Variants in VGF observed in about 807,000 individuals in gnomAD.
VGF encodes neurosecretory protein VGF.
Under a neutral mutation model 41.1 loss-of-function variants are expected in VGF, and 13 were observed. That is an observed-to-expected ratio of 0.32 (90% CI 0.21 to 0.50). VGF has a LOEUF of 0.50. Ranked by LOEUF, VGF falls within the 20% of genes least tolerant of loss-of-function variation. VGF has a pLI of 0.98. For synonymous variants in VGF, 473 were observed against 418.3 expected (o/e 1.13, Z -1.60); for missense variants, 920 against 882.1 (o/e 1.04, Z -0.54).
At chr7:101,165,661 G>A, upstream of VGF, 2 of 985,368 alleles carry the variant, frequency 2.0e-6, no homozygotes, top group East Asian at 2.3e-4. Context: ...GTTCATTCAT[G>A]GGGAAGCGGG....
upstream of VGF, among the ~76,000 whole-genome samples, chr7:101,167,843 G>T (rs1584215625): frequency 6.6e-6 from 1 of 152,052 alleles, no homozygotes; most frequent in African/African-American, 2.4e-5. The surrounding 1 kb of genome is among the most constrained non-coding windows in gnomAD (Gnocchi z 4.2). Context: ...GAAAAAGAAA[G>T]GGAATGGGGG....
rs753892644 is a variant in VGF at position 101,164,645 on chromosome 7, G to T, written c.199C>A (p.Pro67Thr). Reference sequence around the variant, plus strand: ...TGGAAAAGCTCTCCCTCGTCCTGCGGCTCGGAATTCCGAGCGCCTCGGACC... The same window carrying T: ...TGGAAAAGCTCTCCCTCGTCCTGCGTCTCGGAATTCCGAGCGCCTCGGACC... ...PEVRGARNSE[P>T]QDEGELFQGV... Residue 67 changes from proline (P) to threonine (T), a missense_variant, in exon 2 of 2, where the codon CCG becomes ACG. By Grantham distance (38) the Pro-to-Thr change is conservative. Around this residue, in one of 3 missense-constraint regions of VGF, gnomAD observed 654 missense variants for 638.4 expected, o/e 1.02. Transcript: ENST00000249330. 10 of 1,594,394 alleles carry T rather than the reference G, an allele frequency of 6.3e-6. No individual in the cohort carries two copies. The highest frequency in any genetic ancestry group is 7.7e-6 in the Non-Finnish European group (9 of 1,170,744).
At chr7:101,165,694 C>T (rs994822036), upstream of VGF, 6 of 981,040 alleles carry the variant, frequency 6.1e-6, no homozygotes, top group Admixed American at 3.7e-4. Flanking sequence ...GGAGGAAGGA[C>T]GCCCGACGAT....
rs752067771 is a variant in VGF, at chr7:101,163,272, G to A, written c.1572C>T (p.Asn524=). ...APARDELPDW[N]EVLPPWDREE... ...CCCGATCCCAGGGCGGGAGCACCTC[G>A]TTCCAGTCCGGCAGCTCGTCTCGTG... The change falls in exon 2 of 2, where the codon AAC becomes AAT. Residue 524 remains asparagine, a synonymous_variant. Coordinates refer to ENST00000249330, the MANE Select transcript of VGF (RefSeq NM_003378.4). The surrounding 1 kb of genome is among the most constrained non-coding windows in gnomAD (Gnocchi z 5.0). The A allele has an allele frequency of 6.7e-7, 1 of 1,502,986 alleles. No individual in the cohort carries two copies. Among genetic ancestry groups the A allele is most frequent in the South Asian group, 1.3e-5 (1 of 75,390 alleles). The allele number at this position is 1,502,986 out of a possible 1,614,324, so 93.1% of individuals were successfully genotyped here.
Position 101,163,116 on chromosome 7 carries a change from A to G in VGF, c.1728T>C (p.Tyr576=). The G allele has an allele frequency of 1.3e-6, 2 of 1,579,984 alleles. No individual in the cohort carries two copies. The highest frequency in any genetic ancestry group is 1.7e-6 in the Non-Finnish European group (2 of 1,166,282). ...GCCGCGCCTGGGCCTCCCGGCCGGG[A>G]TAGTGGCGCGAAGGCGGCAAGGCGT... ...YHHALPPSRH[Y]PGREAQARRA... The change falls in exon 2 of 2, where the codon TAT becomes TAC. Residue 576 remains tyrosine (Y), a synonymous_variant. Transcript: ENST00000249330. The surrounding 1 kb of genome is among the most constrained non-coding windows in gnomAD (Gnocchi z 5.0).
chr7:101,165,598 TA>T, upstream of VGF: 1 of 985,264 alleles, frequency 1.0e-6, no homozygotes, highest in South Asian at 4.7e-5. Context: ...CACCGCCTTA[TA>T]AAGGGGAGCG....
rs772229321 is a variant in VGF at position 101,164,135 on chromosome 7, C to G, written c.709G>C (p.Asp237His). The change falls in exon 2 of 2, where the codon GAC becomes CAC. Residue 237 changes from aspartate (D) to histidine (H), a missense_variant. Physicochemically the swap from Asp to His is moderately conservative, Grantham distance 81. Around this residue, in one of 3 missense-constraint regions of VGF, gnomAD observed 654 missense variants for 638.4 expected, o/e 1.02. Coordinates refer to ENST00000249330, the MANE Select transcript of VGF (RefSeq NM_003378.4). Reference sequence around the variant, plus strand: ...TGGGTTTCGGGAAGGGGCCCGCTGTCGGGCATACGCGCCTGGAATTGAGAG... The same window carrying G: ...TGGGTTTCGGGAAGGGGCCCGCTGTGGGGCATACGCGCCTGGAATTGAGAG... ...APSQFQARMPDSGPLPETHKF... is the reference protein window; with the variant it reads ...APSQFQARMPHSGPLPETHKF... 6.7e-7 allele frequency: 1 copy of G among 1,502,592 alleles called. No individual in the cohort carries two copies. The highest frequency in any genetic ancestry group is 8.8e-7 in the Non-Finnish European group (1 of 1,133,850). The allele number at this position is 1,502,592 out of a possible 1,614,324, so 93.1% of individuals were successfully genotyped here. A position where few individuals can be genotyped will look rare whatever the true frequency, so the allele number is the denominator to read the frequency against.
upstream of VGF, among the ~76,000 whole-genome samples, chr7:101,167,851 G>A (rs181441711): frequency 4.9e-4 from 75 of 152,106 alleles, no homozygotes; most frequent in African/African-American, 1.5e-3. The surrounding 1 kb of genome is among the most constrained non-coding windows in gnomAD (Gnocchi z 4.2). Flanking sequence ...AAGGGAATGG[G>A]GGGAAGCAAT....
chr7:101,167,205 C>T (rs1177307809), upstream of VGF, among the ~76,000 whole-genome samples: 1 of 151,986 alleles, frequency 6.6e-6, no homozygotes, highest in African/African-American at 2.4e-5. This position sits in a 1 kb window ranked among gnomAD's most constrained non-coding sequence, Gnocchi z 4.2. Flanking sequence ...TCGACTTTCC[C>T]AGAAGAAAGC....
At chr7:101,165,201 C>T (rs1247368884) in intron 1 of VGF, 173 bp downstream of exon 1, 25 of 1,017,512 alleles carry the variant, frequency 2.5e-5, no homozygotes, top group Non-Finnish European at 2.8e-5. Context: ...CCGGATGGTG[C>T]GTGGGCGACT....
At position 101,164,470 on chromosome 7, in the gene VGF, C is replaced by T; in HGVS notation, c.374G>A (p.Ser125Asn). ...CTCCGGGCTCTCCGGCGCCGGGAGG[C>T]TGTGGGTCTGGCTGCGCACGGTCTC... is the stretch of plus-strand genomic sequence containing the variant. Reference protein sequence around the residue: ...LTETVRSQTHSLPAPESPEPA... With the variant: ...LTETVRSQTHNLPAPESPEPA... Residue 125 changes from serine to asparagine, a missense_variant, in exon 2 of 2, where the codon AGC becomes AAC. Coordinates refer to ENST00000249330, the MANE Select transcript of VGF (RefSeq NM_003378.4). 6.2e-7 allele frequency: 1 copy of T among 1,602,576 alleles called. No homozygotes were observed. Among genetic ancestry groups the T allele is most frequent in the Non-Finnish European group, 8.5e-7 (1 of 1,178,540 alleles).
intron 1 of VGF, 86 bp from the exon 2 acceptor site, chr7:101,164,949 A>C: frequency 1.4e-5 from 20 of 1,422,602 alleles, no homozygotes; most frequent in Non-Finnish European, 1.7e-5. Flanking sequence ...ACCTTTCAGC[A>C]GGAAACCCGG....
At chr7:101,166,886 G>A (rs1439999694), upstream of VGF, among the ~76,000 whole-genome samples, 2 of 149,390 alleles carry the variant, frequency 1.3e-5, no homozygotes, top group African/African-American at 5.0e-5. Flanking sequence ...AGGGGGCTGC[G>A]GTGCTGGCAG....
In VGF at chr7:101,162,946, C is replaced by CGGCGCGCGCGCGCGGCGGG. The variant is rs760707757; in HGVS notation, c.*31_*49dup. 3 of 932,810 alleles carry CGGCGCGCGCGCGCGGCGGG rather than the reference C, an allele frequency of 3.2e-6. No homozygotes were observed. Among genetic ancestry groups the CGGCGCGCGCGCGCGGCGGG allele is most frequent in the African/African-American group, 1.8e-5 (1 of 56,516 alleles). 57.8% of individuals were successfully genotyped at this position (932,810 alleles called of 1,614,324 possible). On this transcript the variant is annotated 3_prime_UTR_variant, in exon 2 of 2. Transcript: ENST00000249330. The surrounding 1 kb of genome is among the most constrained non-coding windows in gnomAD (Gnocchi z 4.2). ...GAGCGGGCAACACGGAGGGGGGCGC[C>CGGCGCGCGCGCGCGGCGGG]GGCGCGCGCGCGCGGCGGGGGCGCG...
In VGF at chr7:101,163,398, C is replaced by A. The variant is rs984868366; in HGVS notation, c.1446G>T (p.Arg482=). 1 of 1,601,792 alleles carries A rather than the reference C, an allele frequency of 6.2e-7. No homozygotes were observed. The highest frequency in any genetic ancestry group is 1.1e-5 in the South Asian group (1 of 90,690). ...IIEEVEEKRK[R]KKNAPPEPVP... ...CGGGCTCGGGAGGGGCGTTCTTCTT[C>A]CGCTTCCGCTTCTCCTCCACCTCCT... Residue 482 remains arginine, a synonymous_variant, in exon 2 of 2, where the codon CGG becomes CGT. Coordinates refer to ENST00000249330, the MANE Select transcript of VGF (RefSeq NM_003378.4). The surrounding 1 kb of genome is among the most constrained non-coding windows in gnomAD (Gnocchi z 5.0).
rs768024131 is a variant in VGF, at chr7:101,163,744, GCCT to G, written c.1097_1099del (p.Glu366del). ...CTCCCCGCCGCGTCTCTCCTGCTCC[GCCT>G]CCTCCTCCTCCCTTGCACTCTCTCG... On this transcript the variant is annotated inframe_deletion, in exon 2 of 2. Coordinates refer to ENST00000249330, the MANE Select transcript of VGF (RefSeq NM_003378.4). The surrounding 1 kb of genome is among the most constrained non-coding windows in gnomAD (Gnocchi z 5.0). The G allele has an allele frequency of 6.5e-6, 10 of 1,532,606 alleles. No homozygotes were observed. The highest frequency in any genetic ancestry group is 2.4e-5 in the South Asian group (2 of 83,834). 94.9% of individuals were successfully genotyped at this position (1,532,606 alleles called of 1,614,324 possible).
At chr7:101,165,577 G>C (rs995993032), upstream of VGF, 3 of 985,292 alleles carry the variant, frequency 3.0e-6, no homozygotes, top group Admixed American at 1.8e-4. Flanking sequence ...GCTGGACAGC[G>C]CCCGCGCCTC....
At chr7:101,168,270 G>C (rs757232653), upstream of VGF, among the ~76,000 whole-genome samples, 7 of 152,148 alleles carry the variant, frequency 4.6e-5, no homozygotes, top group Admixed American at 1.3e-4. Context: ...TGAGGGAGCG[G>C]GGTGGATATG....
Position 101,163,086 on chromosome 7 carries a change from C to G in VGF, c.1758G>C (p.Ala586=). 6.3e-7 allele frequency: 1 copy of G among 1,576,610 alleles called. No homozygotes were observed. The highest frequency in any genetic ancestry group is 8.6e-7 in the Non-Finnish European group (1 of 1,165,390). The change falls in exon 2 of 2, where the codon GCG becomes GCC. Residue 586 remains alanine, a synonymous_variant. Transcript: ENST00000249330. The surrounding 1 kb of genome is among the most constrained non-coding windows in gnomAD (Gnocchi z 5.0). ...YPGREAQARR[A]QEEAEAEERR... is the part of the protein sequence containing the mutation. ...GCTCCTCCGCCTCCGCCTCCTCCTG[C>G]GCGCGCCGCGCCTGGGCCTCCCGGC...
Sources: allele counts gnomAD v4.1 joint callset (sites outside exome capture counted in the v4.1 genomes callset), GRCh38; gene constraint gnomAD v4.1.1; regional missense constraint gnomAD v4.1.1; non-coding constraint Gnocchi (gnomAD v3.1); transcripts MANE v1.5; gene names NCBI Gene and HGNC (gene_info 2026-07-23, HGNC 2026-07-21).